The following SLC16A4 variants were observed in gnomAD, a reference collection of about 807,000 sequenced individuals.
SLC16A4 encodes probable monocarboxylate transporter 5.
In SLC16A4, 39 loss-of-function variants were observed where a neutral mutation model predicts 47.9. That is an observed-to-expected ratio of 0.81 (90% CI 0.63 to 1.06). The LOEUF is 1.06. Among genes scored for constraint, SLC16A4 ranks in the 50% least tolerant of loss-of-function variants. SLC16A4 has a pLI of 0.00. For synonymous variants in SLC16A4, 189 were observed against 199.9 expected (o/e 0.95, Z 0.46); for missense variants, 524 against 573.8 (o/e 0.91, Z 0.89).
Position 110,377,042 on chromosome 1 carries a change from G to A in SLC16A4, c.1150C>T (p.Pro384Ser), listed in dbSNP as rs1662045695. Residue 384 changes from proline (P) to serine (S), a missense_variant, in exon 7 of 9, where the codon CCT (proline) becomes TCT (serine). By Grantham distance (74) the Pro-to-Ser change is moderately conservative. Transcript: ENST00000369779. ...ILCGITNLLA[P>S]LATTFPLLMT... ...AGTAGTGGAAATGTGGTGGCTAAAG[G>A]AGCAAGCAGGTTAGTGATGCCGCAG... 6.2e-7 allele frequency: 1 copy of A among 1,614,114 alleles called. No individual in the cohort carries two copies. Among genetic ancestry groups the A allele is most frequent in the Non-Finnish European group, 8.5e-7 (1 of 1,180,002 alleles).
chr1:110,375,310 T>G, intron 8 of SLC16A4, 148 bp downstream of exon 8: 1 of 609,618 alleles, frequency 1.6e-6, no homozygotes, highest in Non-Finnish European at 3.0e-6. Flanking sequence ...TTTTCCTGCA[T>G]TGGTGGTGGA....
At chr1:110,381,867 T>A in intron 3 of SLC16A4, 72 bp from the exon 4 acceptor site, 2 of 1,352,548 alleles carry the variant, frequency 1.5e-6, no homozygotes, top group Non-Finnish European at 2.1e-6. Context: ...GATGGCGATT[T>A]AAATGAATGA....
chr1:110,367,304 G>A (rs1661446976), intron 8 of SLC16A4, among the ~76,000 whole-genome samples: 1 of 152,130 alleles, frequency 6.6e-6, no homozygotes, highest in African/African-American at 2.4e-5. Context: ...GGCCAGACTG[G>A]GCAATGTGGT....
intron 2 of SLC16A4, among the ~76,000 whole-genome samples, chr1:110,387,341 ATC>A (rs918157252): frequency 6.6e-6 from 1 of 152,270 alleles, no homozygotes; most frequent in Non-Finnish European, 1.5e-5. Flanking sequence ...GTTAGAATGA[ATC>A]TCTCTCTCTT....
chr1:110,379,441 C>G (rs1159795762), intron 5 of SLC16A4, 85 bp from the exon 6 acceptor site: 9 of 1,235,162 alleles, frequency 7.3e-6, no homozygotes, highest in Non-Finnish European at 1.0e-5. Flanking sequence ...AGAGGCCCCA[C>G]TGGCATAGCC....
rs1322181767 is a variant in SLC16A4 at position 110,374,154 on chromosome 1, C to T, written c.1336+1304G>A. On this transcript the variant is annotated intron_variant, in intron 8 of 8. Transcript: ENST00000369779. ...CCCCGGGTTCAAGCAATTCTCCTGCCTCAGCCTCCCAAGTTAGCTGGGATT... is the reference window on the plus strand; with the variant it reads ...CCCCGGGTTCAAGCAATTCTCCTGCTTCAGCCTCCCAAGTTAGCTGGGATT... Among the ~76,000 whole-genome samples, 4 of 152,152 alleles carry T rather than the reference C, an allele frequency of 2.6e-5. No individual in the cohort carries two copies. The East Asian group carries it at 7.7e-4, about 29-fold the overall frequency.
rs537183976 is a variant in SLC16A4 at position 110,378,792 on chromosome 1, A to G, written c.1030+61T>C. ...CTTTAGCTTTTTATTAAAATGTAAT[A>G]AGCTTGTAAAATTAAGTTGATCTTT... On this transcript the variant is annotated intron_variant, in intron 6 of 8. Transcript: ENST00000369779. 1.3e-5 allele frequency: 19 copies of G among 1,517,048 alleles called. No homozygotes were observed. The East Asian group carries it at 3.6e-4, about 29-fold the overall frequency. 94.0% of individuals were successfully genotyped at this position (1,517,048 alleles called of 1,614,324 possible).
rs114190129 is a variant in SLC16A4, at chr1:110,364,570, A to C, written c.1337-677T>G. 6.1e-3 allele frequency among the ~76,000 whole-genome samples: 855 copies of C among 141,256 alleles called. 9 individuals carry two copies. The highest frequency in any genetic ancestry group is 0.02 in the African/African-American group (754 of 37,090). The allele number at this position is 141,256 out of a possible 152,430, so 92.7% of individuals were successfully genotyped here. A position where few individuals can be genotyped will look rare whatever the true frequency, so the allele number is the denominator to read the frequency against. ...CAGGTTGGAGTGGTGTAGTGGCACG[A>C]TCTCTGCTTTGCTTACTGCAACCTC... On this transcript the variant is annotated intron_variant, in intron 8 of 8. Transcript: ENST00000369779.
chr1:110,373,684 T>A (rs1016405600), intron 8 of SLC16A4, among the ~76,000 whole-genome samples: 1 of 150,106 alleles, frequency 6.7e-6, no homozygotes, highest in Non-Finnish European at 1.5e-5. Context: ...TAATTTTTTT[T>A]TTTTTTTTTT....
Position 110,375,565 on chromosome 1 carries a change from A to G in SLC16A4, c.1243-14T>C. ...ACACAGATCAACCTGTAGGAATTAG[A>G]ATTCAGTGTTAGCCATATTAAGGGT... On this transcript the variant is annotated splice_polypyrimidine_tract_variant and intron_variant, in intron 7 of 8. Coordinates refer to ENST00000369779, the MANE Select transcript of SLC16A4 (RefSeq NM_004696.3). The G allele has an allele frequency of 1.4e-6, 2 of 1,473,282 alleles. No individual in the cohort carries two copies. Among genetic ancestry groups the G allele is most frequent in the South Asian group, 2.3e-5 (2 of 88,180 alleles). 91.3% of individuals were successfully genotyped at this position (1,473,282 alleles called of 1,614,324 possible). A position where few individuals can be genotyped will look rare whatever the true frequency, so the allele number is the denominator to read the frequency against.
At position 110,386,243 on chromosome 1, in the gene SLC16A4, C is replaced by A. The variant is rs868213157; in HGVS notation, c.87+2994G>T. Among the ~76,000 whole-genome samples, 8 of 152,298 alleles carry A rather than the reference C, an allele frequency of 5.3e-5. No homozygotes were observed. In the Middle Eastern group the frequency reaches 0.01, roughly 194 times the overall value. On this transcript the variant is annotated intron_variant, in intron 2 of 8. Transcript: ENST00000369779. ...GTATCAAGAAGACCAAGGGCAGAGC[C>A]TTTGCACCTACCATGCTTCCCGTCC... is the stretch of plus-strand genomic sequence containing the variant.
chr1:110,375,211 T>C, intron 8 of SLC16A4: 1 of 348,986 alleles, frequency 2.9e-6, no homozygotes, highest in Non-Finnish European at 5.3e-6. Context: ...CAAGTAGACA[T>C]AGATCCAGTG....
Position 110,376,992 on chromosome 1 carries a change from G to C in SLC16A4, c.1200C>G (p.Ala400=). 1 of 1,614,068 alleles carries C rather than the reference G, an allele frequency of 6.2e-7. No individual in the cohort carries two copies. Among genetic ancestry groups the C allele is most frequent in the Non-Finnish European group, 8.5e-7 (1 of 1,179,972 alleles). ...PLLMTYTICF[A]IFAGGYLALI... The stretch of plus-strand genomic sequence containing the variant: ...ATGCCAGGTAACCACCAGCAAAGAT[G>C]GCAAAGCAGATGGTGTAGGTCATAA... Residue 400 remains alanine, a synonymous_variant, in exon 7 of 9, where the codon GCC becomes GCG. Coordinates refer to ENST00000369779, the MANE Select transcript of SLC16A4 (RefSeq NM_004696.3).
At chr1:110,380,023 C>G (rs892596740) in intron 5 of SLC16A4, 1 of 134,756 alleles carries the variant, frequency 7.4e-6, no homozygotes, top group South Asian at 2.3e-4. Flanking sequence ...TGCCACAGCA[C>G]TCCAGCCTGA....
Position 110,385,598 on chromosome 1 carries a change from G to C in SLC16A4, c.88-2632C>G, listed in dbSNP as rs551464607. Among the ~76,000 whole-genome samples, 6 of 152,134 alleles carry C rather than the reference G, an allele frequency of 3.9e-5. No individual in the cohort carries two copies. The East Asian group carries it at 1.2e-3, about 29-fold the overall frequency. On this transcript the variant is annotated intron_variant, in intron 2 of 8. Coordinates refer to ENST00000369779, the MANE Select transcript of SLC16A4 (RefSeq NM_004696.3). ...TGAGTGACAGATGTGCTTTCTCTTA[G>C]ACACCTCCCTCCCTCAGCCCCTGCT...
chr1:110,380,023 C>T (rs892596740), intron 5 of SLC16A4: 1 of 134,756 alleles, frequency 7.4e-6, no homozygotes, highest in Non-Finnish European at 1.5e-5. Context: ...TGCCACAGCA[C>T]TCCAGCCTGA....
rs74119246 is a variant in SLC16A4, at chr1:110,370,600, A to G, written c.1336+4858T>C. ...CACTTACCTTTTTCCATAAAACACA[A>G]ATAGACTTGGTGCAAAATTACCAGT... On this transcript the variant is annotated intron_variant, in intron 8 of 8. Coordinates refer to ENST00000369779, the MANE Select transcript of SLC16A4 (RefSeq NM_004696.3). The G allele has an allele frequency of 3.2e-3, 495 of 152,326 alleles. 2 individuals are homozygous for G. Among genetic ancestry groups the G allele is most frequent in the African/African-American group, 0.011 (463 of 41,570 alleles). 9.4% of individuals were successfully genotyped at this position (152,326 alleles called of 1,614,324 possible). A position where few individuals can be genotyped will look rare whatever the true frequency, so the allele number is the denominator to read the frequency against.
chr1:110,369,970 G>C (rs905019167), intron 8 of SLC16A4, among the ~76,000 whole-genome samples: 2 of 152,184 alleles, frequency 1.3e-5, no homozygotes, highest in Admixed American at 1.3e-4. Context: ...TACTAGGAAT[G>C]CTTCAAGTAT....
At position 110,382,930 on chromosome 1, in the gene SLC16A4, CAA is replaced by C; in HGVS notation, c.122_123del (p.Phe41CysfsTer12). The stretch of plus-strand genomic sequence containing the variant: ...TCTTGAAAGACCACAAAGAAAATTG[CAA>C]AAGTCTTGGTCATCCCCATCACAAA... Reference protein sequence around the residue: ...NVFVMGMTKTFAIFFVVFQEE... With the variant: ...NVFVMGMTKTXAIFFVVFQEE... On this transcript the variant is annotated frameshift_variant, in exon 3 of 9. Coordinates refer to ENST00000369779, the MANE Select transcript of SLC16A4 (RefSeq NM_004696.3). LOFTEE classifies it high-confidence loss of function. 6.2e-7 allele frequency: 1 copy of C among 1,612,080 alleles called. No homozygotes were observed. Among genetic ancestry groups the C allele is most frequent in the Non-Finnish European group, 8.5e-7 (1 of 1,178,688 alleles).
Sources: gnomAD v4.1 joint callset for allele counts (sites outside exome capture counted in the v4.1 genomes callset) on GRCh38, gnomAD v4.1.1 for gene constraint, MANE v1.5 for transcripts, NCBI Gene and HGNC (gene_info 2026-07-23, HGNC 2026-07-21) for gene names.